Variants in STX17 observed in about 807,000 individuals in gnomAD.
STX17 encodes the protein syntaxin-17.
STX17 carries 29 observed loss-of-function variants against 35.9 expected under a neutral mutation model. That is an observed-to-expected ratio of 0.81 (90% CI 0.60 to 1.10). The LOEUF (loss-of-function observed/expected upper bound fraction) is 1.10. STX17 is among the 50% of genes least tolerant of loss of function. The pLI, the probability that STX17 is intolerant of heterozygous loss-of-function variation, is 0.00. For missense variants in STX17, 312 were observed against 352.3 expected (o/e 0.89, Z 0.92); for synonymous variants, 92 against 118.3 (o/e 0.78, Z 1.44).
intron 2 of STX17, among the ~76,000 whole-genome samples, chr9:99,926,688 C>T (rs558544923): frequency 5.9e-5 from 9 of 152,108 alleles, no homozygotes; most frequent in East Asian, 1.9e-4. Context: ...TTAGTAGAGA[C>T]GGGGTTTCAC....
intron 6 of STX17, among the ~76,000 whole-genome samples, chr9:99,964,953 G>A (rs1451966315): frequency 2.0e-5 from 3 of 152,152 alleles, no homozygotes; most frequent in Non-Finnish European, 4.4e-5. Context: ...GCAAAATACG[G>A]ACAAGAGAAA....
At chr9:99,965,682 T>G (rs1829898899) in intron 6 of STX17, among the ~76,000 whole-genome samples, 1 of 152,188 alleles carries the variant, frequency 6.6e-6, no homozygotes, top group Non-Finnish European at 1.5e-5. Flanking sequence ...GTTTTGCTAT[T>G]GAGGAAAATA....
intron 4 of STX17, among the ~76,000 whole-genome samples, chr9:99,952,837 A>C (rs1425505008): frequency 6.9e-6 from 1 of 145,706 alleles, no homozygotes; most frequent in East Asian, 2.2e-4. Flanking sequence ...CAATGAGAAC[A>C]CATGGACACA....
At chr9:99,909,847 T>C (rs1828624397) in intron 1 of STX17, among the ~76,000 whole-genome samples, 1 of 152,216 alleles carries the variant, frequency 6.6e-6, no homozygotes, top group African/African-American at 2.4e-5. Context: ...ATGTGATTAT[T>C]ACACATTGTA....
chr9:99,934,254 A>ATTCTTATT (rs1829181816), intron 3 of STX17, among the ~76,000 whole-genome samples: 1 of 152,192 alleles, frequency 6.6e-6, no homozygotes, highest in African/African-American at 2.4e-5. Flanking sequence ...ATCTTTAATG[A>ATTCTTATT]GAACCCATTC....
At chr9:99,916,430 T>TTCATTC (rs1564057786) in intron 2 of STX17, among the ~76,000 whole-genome samples, 9 of 80,652 alleles carry the variant, frequency 1.1e-4, no homozygotes, top group African/African-American at 3.1e-4. Flanking sequence ...TTTATTTATT[T>TTCATTC]ATTCATTCAT....
In STX17 at chr9:99,925,624, T is replaced by G. The variant is rs371957908; in HGVS notation, c.124-3154T>G. Among the ~76,000 whole-genome samples, 54 of 152,278 alleles carry G rather than the reference T, an allele frequency of 3.5e-4. No individual in the cohort carries two copies. The East Asian group carries it at 7.5e-3, about 21-fold the overall frequency. ...TTTAAAAAACAACTTTCTCTGGGGA[T>G]AGAATTCTAGGTTGCATTTTCTGTC... is the stretch of plus-strand genomic sequence containing the variant. On this transcript the variant is annotated intron_variant, in intron 2 of 7. Coordinates refer to ENST00000259400, the MANE Select transcript of STX17 (RefSeq NM_017919.3).
chr9:99,911,360 A>G (rs956990005), intron 1 of STX17, among the ~76,000 whole-genome samples: 6 of 151,626 alleles, frequency 4.0e-5, no homozygotes, highest in Non-Finnish European at 8.8e-5. Context: ...GCTGAACGGT[A>G]TTTCATTGTG....
chr9:99,914,603 A>T (rs185245048), intron 1 of STX17, among the ~76,000 whole-genome samples: 54 of 152,326 alleles, frequency 3.5e-4, no homozygotes, highest in African/African-American at 1.2e-3. Context: ...CACTTTATTG[A>T]AAATGGAAGA....
intron 3 of STX17, among the ~76,000 whole-genome samples, chr9:99,936,845 TG>T (rs1257584867): frequency 1.3e-5 from 2 of 152,184 alleles, no homozygotes; most frequent in African/African-American, 2.4e-5. Flanking sequence ...ATATATGTAC[TG>T]GTGTCATTTC....
At chr9:99,938,816 G>A (rs552076889) in intron 3 of STX17, among the ~76,000 whole-genome samples, 1 of 140,572 alleles carries the variant, frequency 7.1e-6, no homozygotes, top group South Asian at 2.6e-4. Flanking sequence ...GGGAGGGAGG[G>A]AAGGACCTGA....
intron 4 of STX17, among the ~76,000 whole-genome samples, chr9:99,952,640 A>G (rs182493024): frequency 6.6e-6 from 1 of 152,310 alleles, no homozygotes; most frequent in East Asian, 1.9e-4. Flanking sequence ...CAAATGTCCA[A>G]CAATGATCGA....
intron 3 of STX17, chr9:99,929,666 C>A (rs1243378916): frequency 6.6e-6 from 1 of 151,222 alleles, no homozygotes; most frequent in Non-Finnish European, 1.5e-5. Flanking sequence ...TTCCCTTCCC[C>A]CATATAATTA....
At chr9:99,949,942 T>TACACACACAC (rs58226718) in intron 3 of STX17, among the ~76,000 whole-genome samples, 70 of 149,182 alleles carry the variant, frequency 4.7e-4, no homozygotes, top group South Asian at 1.1e-3. Context: ...CACACATGTA[T>TACACACACAC]ACACACACAC....
chr9:99,963,417 G>A (rs1829863165), intron 6 of STX17, among the ~76,000 whole-genome samples: 1 of 151,676 alleles, frequency 6.6e-6, no homozygotes, highest in South Asian at 2.1e-4. Flanking sequence ...TGTCGTTTTT[G>A]TAATCCAGTT....
intron 2 of STX17, among the ~76,000 whole-genome samples, chr9:99,922,406 A>G (rs755455382): frequency 6.6e-6 from 1 of 152,172 alleles, no homozygotes; most frequent in Non-Finnish European, 1.5e-5. Flanking sequence ...GCCTATCTGT[A>G]TTTCCAATGC....
At chr9:99,950,318 A>G (rs961619722) in intron 3 of STX17, among the ~76,000 whole-genome samples, 1 of 151,916 alleles carries the variant, frequency 6.6e-6, no homozygotes, top group African/African-American at 2.4e-5. Flanking sequence ...TGGGAAAAAA[A>G]CAACAATAGC....
chr9:99,908,309 G>T (rs929118131), intron 1 of STX17, among the ~76,000 whole-genome samples: 1 of 152,100 alleles, frequency 6.6e-6, no homozygotes, highest in African/African-American at 2.4e-5. Context: ...ACTTTCCCTT[G>T]CTAAATTTCA....
In STX17 at chr9:99,974,061, C is replaced by T. The variant is rs1022599459; in HGVS notation, c.*5388C>T. Among the ~76,000 whole-genome samples, 2 of 152,090 alleles carry T rather than the reference C, an allele frequency of 1.3e-5. No individual in the cohort carries two copies. Among genetic ancestry groups the T allele is most frequent in the African/African-American group, 4.8e-5 (2 of 41,414 alleles). On this transcript the variant is annotated 3_prime_UTR_variant, in exon 8 of 8. Transcript: ENST00000259400. ...TCTTGGACGAGCCTAAAACTTGTAT[C>T]CTGAAGAAAATATTTTTTTCCACCA...
Sources: allele counts gnomAD v4.1 joint callset (sites outside exome capture counted in the v4.1 genomes callset), GRCh38; gene constraint gnomAD v4.1.1; transcripts MANE v1.5; gene names NCBI Gene and HGNC (gene_info 2026-07-23, HGNC 2026-07-21).